RPS6KA2: variants seen among roughly 807,000 people sequenced by gnomAD.
The protein encoded by RPS6KA2 is ribosomal protein S6 kinase A2, also known as ribosomal protein S6 kinase alpha-2.
A neutral mutation model predicts 91.8 loss-of-function variants in RPS6KA2; 42 were observed. That is an observed-to-expected ratio of 0.46 (90% CI 0.36 to 0.59). The LOEUF is 0.59. RPS6KA2 is among the 20% of genes least tolerant of loss of function. The pLI is 0.00. For synonymous variants in RPS6KA2, 414 were observed against 393.6 expected (o/e 1.05, Z -0.61); for missense variants, 798 against 978.5 (o/e 0.82, Z 2.46).
chr6:166,438,380 G>A (rs1183527818), intron 14 of RPS6KA2, among the ~76,000 whole-genome samples: 1 of 152,236 alleles, frequency 6.6e-6, no homozygotes, highest in Non-Finnish European at 1.5e-5. Context: ...TCCTCAGGAA[G>A]GCTGGCCCGC....
chr6:166,765,911 C>T (rs1274902838), intron 2 of RPS6KA2, among the ~76,000 whole-genome samples: 2 of 152,234 alleles, frequency 1.3e-5, no homozygotes, highest in East Asian at 1.9e-4. Context: ...TGAGTATACA[C>T]TCCCTTCACG....
intron 1 of RPS6KA2, among the ~76,000 whole-genome samples, chr6:166,861,555 T>A (rs1416892382): frequency 6.6e-6 from 1 of 152,246 alleles, no homozygotes; most frequent in Non-Finnish European, 1.5e-5. Flanking sequence ...CAAGGAACAC[T>A]TTGATTTCAT....
intron 2 of RPS6KA2, among the ~76,000 whole-genome samples, chr6:166,757,220 A>G (rs1229123479): frequency 6.6e-6 from 1 of 152,202 alleles, no homozygotes; most frequent in African/African-American, 2.4e-5. Flanking sequence ...GCACTTGCAG[A>G]AAAATTACGG....
intron 14 of RPS6KA2, among the ~76,000 whole-genome samples, chr6:166,439,054 G>A (rs1779433907): frequency 6.6e-6 from 1 of 152,088 alleles, no homozygotes; most frequent in Non-Finnish European, 1.5e-5. Context: ...TTAAAAATTT[G>A]AATTTGAAGG....
chr6:166,530,446 C>T (rs927875318), intron 3 of RPS6KA2, among the ~76,000 whole-genome samples: 3 of 152,214 alleles, frequency 2.0e-5, no homozygotes, highest in Admixed American at 6.5e-5. Flanking sequence ...TGCCTCTCAC[C>T]GTCTCGGCAC....
chr6:166,848,812 T>C (rs1780666808), intron 2 of RPS6KA2, among the ~76,000 whole-genome samples: 4 of 152,092 alleles, frequency 2.6e-5, no homozygotes, highest in Non-Finnish European at 1.5e-5. Flanking sequence ...GTACACTGCT[T>C]GGGTGATGGG....
chr6:166,833,160 G>A (rs970380241), intron 2 of RPS6KA2, among the ~76,000 whole-genome samples: 5 of 152,194 alleles, frequency 3.3e-5, no homozygotes, highest in African/African-American at 1.2e-4. Context: ...TCCTACACGT[G>A]ATGAAACAAG....
intron 4 of RPS6KA2, among the ~76,000 whole-genome samples, chr6:166,509,834 TAGA>T (rs1746922998): frequency 6.6e-6 from 1 of 152,238 alleles, no homozygotes; most frequent in Non-Finnish European, 1.5e-5. Context: ...CTACCTTGAA[TAGA>T]AGTTTTGAGG....
chr6:166,840,534 C>G (rs1310334605), intron 2 of RPS6KA2, among the ~76,000 whole-genome samples: 2 of 152,166 alleles, frequency 1.3e-5, no homozygotes. Flanking sequence ...GCTTTCCTTT[C>G]CTCGCCATTT....
chr6:166,597,846 A>G (rs888446088), intron 1 of RPS6KA2, among the ~76,000 whole-genome samples: 1 of 152,084 alleles, frequency 6.6e-6, no homozygotes, highest in African/African-American at 2.4e-5. Context: ...TGCTCTAGAG[A>G]GCAGGACTCT....
At chr6:166,788,935 C>G (rs140021569) in intron 2 of RPS6KA2, among the ~76,000 whole-genome samples, 5,945 of 152,232 alleles carry the variant, frequency 0.039, 390 homozygotes, top group African/African-American at 0.14. Flanking sequence ...GGGTGAGTGA[C>G]GCAGAAGACA....
At position 166,587,603 on chromosome 6, in the gene RPS6KA2, C is replaced by T. The variant is rs115353890; in HGVS notation, c.99+39318G>A. Among the ~76,000 whole-genome samples, 611 of 150,102 alleles carry T rather than the reference C, an allele frequency of 4.1e-3. 8 individuals are homozygous for T. The highest frequency in any genetic ancestry group is 0.014 in the African/African-American group (585 of 40,526). ...GCAGTGATATAACATCTTTCTTGAA[C>T]GAGTCTGCCCTTTTTGAAGTCTGCC... is the stretch of plus-strand genomic sequence containing the variant. On this transcript the variant is annotated intron_variant, in intron 1 of 20. Coordinates refer to ENST00000265678, the MANE Select transcript of RPS6KA2 (RefSeq NM_021135.6).
chr6:166,566,073 T>C (rs1013530723), intron 1 of RPS6KA2, among the ~76,000 whole-genome samples: 1 of 151,948 alleles, frequency 6.6e-6, no homozygotes, highest in Non-Finnish European at 1.5e-5. Flanking sequence ...TAGATGAAAA[T>C]GTAGGAATTA....
At chr6:166,536,160 G>A (rs1783470760) in intron 2 of RPS6KA2, among the ~76,000 whole-genome samples, 1 of 152,240 alleles carries the variant, frequency 6.6e-6, no homozygotes, top group East Asian at 1.9e-4. Context: ...TCAGTGACAG[G>A]CAACTATGAG....
intron 1 of RPS6KA2, among the ~76,000 whole-genome samples, chr6:166,573,220 C>A (rs1001779810): frequency 1.5e-4 from 23 of 152,218 alleles, no homozygotes; most frequent in African/African-American, 5.1e-4. Flanking sequence ...CTCCTCTGCC[C>A]TGTCACGAGA....
At chr6:166,711,859 A>C (rs919887432) in intron 2 of RPS6KA2, among the ~76,000 whole-genome samples, 5 of 152,200 alleles carry the variant, frequency 3.3e-5, no homozygotes, top group Non-Finnish European at 5.9e-5. Context: ...CCCATGAAAC[A>C]ATGAGCTGAT....
At chr6:166,689,594 C>T (rs1226885534) in intron 2 of RPS6KA2, among the ~76,000 whole-genome samples, 1 of 152,200 alleles carries the variant, frequency 6.6e-6, no homozygotes, top group Non-Finnish European at 1.5e-5. Context: ...TCTGCTGGCC[C>T]TGTGGTCAGA....
At chr6:166,453,879 A>G (rs1355622757) in intron 12 of RPS6KA2, among the ~76,000 whole-genome samples, 1 of 152,260 alleles carries the variant, frequency 6.6e-6, no homozygotes, top group East Asian at 1.9e-4. Context: ...ATAAAAAAGA[A>G]TGAAATCATG....
chr6:166,693,582 C>T (rs915302605), intron 2 of RPS6KA2, among the ~76,000 whole-genome samples: 2 of 152,130 alleles, frequency 1.3e-5, no homozygotes, highest in Non-Finnish European at 2.9e-5. Context: ...CCAGGGAGAT[C>T]GAGGGTACAC....
Sources: allele counts gnomAD v4.1 joint callset (sites outside exome capture counted in the v4.1 genomes callset), GRCh38; gene constraint gnomAD v4.1.1; transcripts MANE v1.5; gene names NCBI Gene and HGNC (gene_info 2026-07-23, HGNC 2026-07-21).